CENPP: variants seen among roughly 807,000 people sequenced by gnomAD.
CENPP encodes centromere protein P.
CENPP carries 24 observed loss-of-function variants against 35.6 expected under a neutral mutation model. The ratio of observed to expected loss-of-function variants is 0.67; its 90% CI spans 0.49 to 0.95. The LOEUF is 0.95. CENPP is among the 40% of genes least tolerant of loss of function. The pLI, the probability that CENPP is intolerant of heterozygous loss-of-function variation, is 0.00. For synonymous variants in CENPP, 120 were observed against 125.5 expected (o/e 0.96, Z 0.29); for missense variants, 332 against 345.3 (o/e 0.96, Z 0.31).
chr9:92,601,090 G>A (rs893880896), intron 5 of CENPP, among the ~76,000 whole-genome samples: 4 of 152,174 alleles, frequency 2.6e-5, no homozygotes, highest in African/African-American at 4.8e-5. Context: ...TCAGGACCAC[G>A]TCCAGGAAAG....
At chr9:92,546,028 C>T (rs868343209) in intron 5 of CENPP, among the ~76,000 whole-genome samples, 24 of 151,920 alleles carry the variant, frequency 1.6e-4, no homozygotes, top group South Asian at 8.3e-4. Flanking sequence ...CACCAATCAG[C>T]ACTCTGTGTC....
chr9:92,512,052 T>A, intron 5 of CENPP: 2 of 1,613,674 alleles, frequency 1.2e-6, no homozygotes, highest in Non-Finnish European at 1.7e-6. Flanking sequence ...GTGATATTAT[T>A]TTTACTCAGA....
At chr9:92,398,923 G>T (rs558734431) in intron 5 of CENPP, among the ~76,000 whole-genome samples, 2 of 152,046 alleles carry the variant, frequency 1.3e-5, no homozygotes, top group Non-Finnish European at 2.9e-5. Context: ...TTAGCCTGGC[G>T]TGGTGGCGCG....
At chr9:92,420,466 C>T (rs576215367) in intron 5 of CENPP, among the ~76,000 whole-genome samples, 7 of 152,292 alleles carry the variant, frequency 4.6e-5, no homozygotes, top group Admixed American at 3.9e-4. Context: ...TAAAGAAAAA[C>T]AGGAGCATGG....
chr9:92,578,693 G>A (rs1481882347), intron 5 of CENPP, among the ~76,000 whole-genome samples: 2 of 151,852 alleles, frequency 1.3e-5, no homozygotes, highest in African/African-American at 2.4e-5. Flanking sequence ...GTAGATTCTG[G>A]ATATTAGCCC....
intron 5 of CENPP, among the ~76,000 whole-genome samples, chr9:92,609,676 C>T (rs913777043): frequency 6.6e-6 from 1 of 152,274 alleles, no homozygotes; most frequent in Non-Finnish European, 1.5e-5. Context: ...TGAAAGTCTC[C>T]TGTCACCCCT....
Position 92,337,543 on chromosome 9 carries a change from A to G in CENPP, c.292A>G (p.Ile98Val), listed in dbSNP as rs755870562. The stretch of plus-strand genomic sequence containing the variant: ...ATATTTGTTTTTCTGCTTTACAGGT[A>G]TTAGAAAAGTTCTACAGAGACACAG... ...LTSTEMTEKS[I>V]RKVLQRHRLS... Residue 98 changes from isoleucine to valine, a missense_variant and splice_region_variant, in exon 3 of 8, where the codon ATT becomes GTT. Coordinates refer to ENST00000375587, the MANE Select transcript of CENPP (RefSeq NM_001012267.3). 1.3e-6 allele frequency: 2 copies of G among 1,563,852 alleles called. No homozygotes were observed. Among genetic ancestry groups the G allele is most frequent in the African/African-American group, 1.4e-5 (1 of 73,876 alleles).
At chr9:92,529,822 CAG>C (rs1341018855) in intron 5 of CENPP, among the ~76,000 whole-genome samples, 4 of 152,166 alleles carry the variant, frequency 2.6e-5, no homozygotes, top group Admixed American at 6.5e-5. Context: ...AGGTGGAACA[CAG>C]AGGATTCTTA....
chr9:92,424,625 A>G, intron 5 of CENPP, among the ~76,000 whole-genome samples: 1 of 152,200 alleles, frequency 6.6e-6, no homozygotes, highest in East Asian at 1.9e-4. Context: ...ATTAAGGCCC[A>G]CTGTGACAGG....
chr9:92,389,779 T>C, intron 5 of CENPP: 1 of 972,528 alleles, frequency 1.0e-6, no homozygotes, highest in Non-Finnish European at 1.5e-6. Flanking sequence ...CAAAATACAA[T>C]TCTAGACCAA....
At chr9:92,371,971 T>G (rs1842016412) in intron 4 of CENPP, among the ~76,000 whole-genome samples, 1 of 146,162 alleles carries the variant, frequency 6.8e-6, no homozygotes, top group Non-Finnish European at 1.5e-5. Flanking sequence ...GGTCAAGTGA[T>G]TCTCCTGCCT....
intron 5 of CENPP, among the ~76,000 whole-genome samples, chr9:92,400,822 G>T (rs1019857230): frequency 6.6e-6 from 1 of 152,156 alleles, no homozygotes; most frequent in Non-Finnish European, 1.5e-5. Flanking sequence ...AGTATTTCTC[G>T]AATAGATTTT....
intron 5 of CENPP, chr9:92,415,603 A>G: frequency 4.7e-6 from 2 of 429,414 alleles, no homozygotes; most frequent in Non-Finnish European, 7.7e-6. Flanking sequence ...TATAAATTGA[A>G]TTAGGTTTCC....
intron 5 of CENPP, among the ~76,000 whole-genome samples, chr9:92,503,394 G>A (rs1846805498): frequency 1.3e-5 from 2 of 152,266 alleles, no homozygotes; most frequent in Admixed American, 6.5e-5. Context: ...TGTCCTAGCC[G>A]AGCCTCCAGC....
At chr9:92,611,480 GTA>G in intron 6 of CENPP, 87 bp downstream of exon 6, 1 of 1,012,628 alleles carries the variant, frequency 9.9e-7, no homozygotes, top group Non-Finnish European at 1.5e-6. Flanking sequence ...ATTCTAAGTA[GTA>G]AACTACCTAA....
At chr9:92,563,962 A>C (rs1849904794) in intron 5 of CENPP, among the ~76,000 whole-genome samples, 1 of 151,944 alleles carries the variant, frequency 6.6e-6, no homozygotes, top group Non-Finnish European at 1.5e-5. Context: ...GTGAGGGGGG[A>C]ATTATTTCTT....
rs1165354921 is a variant in CENPP, at chr9:92,593,859, A to G, written c.565-17455A>G. Among the ~76,000 whole-genome samples the G allele has an allele frequency of 6.6e-6, 1 of 152,194 alleles. No homozygotes were observed. Among genetic ancestry groups the G allele is most frequent in the East Asian group, 1.9e-4 (1 of 5,198 alleles). ...AAACTGGTAGCAGTAGATAAAGGGA[A>G]CCCGGTAGAGAAGCCAAGAATATAG... On this transcript the variant is annotated intron_variant, in intron 5 of 7. Coordinates refer to ENST00000375587, the MANE Select transcript of CENPP (RefSeq NM_001012267.3). The surrounding 1 kb of genome is among the most constrained non-coding windows in gnomAD (Gnocchi z 4.1).
At chr9:92,431,799 T>C (rs1844116359) in intron 5 of CENPP, among the ~76,000 whole-genome samples, 1 of 151,992 alleles carries the variant, frequency 6.6e-6, no homozygotes, top group Non-Finnish European at 1.5e-5. Context: ...GGTCTCAAAC[T>C]CCTGACCTCA....
intron 5 of CENPP, among the ~76,000 whole-genome samples, chr9:92,472,613 G>A (rs574846293): frequency 1.3e-5 from 2 of 151,940 alleles, no homozygotes; most frequent in Non-Finnish European, 2.9e-5. Context: ...AGCCGAGATC[G>A]CGCCATTGTA....
Sources: gnomAD v4.1 joint callset for allele counts (sites outside exome capture counted in the v4.1 genomes callset) on GRCh38, gnomAD v4.1.1 for gene constraint, Gnocchi (gnomAD v3.1) non-coding constraint, MANE v1.5 for transcripts, NCBI Gene and HGNC (gene_info 2026-07-23, HGNC 2026-07-21) for gene names.